Variants in NPC1L1 observed in about 807,000 individuals in gnomAD.
The protein encoded by NPC1L1 is NPC1 like intracellular cholesterol transporter 1, also known as NPC1-like intracellular cholesterol transporter 1.
A neutral mutation model predicts 117.0 loss-of-function variants in NPC1L1; 98 were observed. The observed-to-expected ratio is 0.84, with a 90% confidence interval of 0.71 to 0.99. NPC1L1 has a LOEUF of 0.99. Among genes scored for constraint, NPC1L1 ranks in the 50% least tolerant of loss-of-function variants. The pLI, the probability that NPC1L1 is intolerant of heterozygous loss-of-function variation, is 0.00. For synonymous variants in NPC1L1, 729 were observed against 727.6 expected, an observed-to-expected ratio of 1.00 and a Z score of -0.03; for missense variants, 1,540 against 1,710.0, an observed-to-expected ratio of 0.90 and a Z score of 1.75.
intron 10 of NPC1L1, among the ~76,000 whole-genome samples, chr7:44,525,457 C>A (rs1801483094): frequency 6.6e-6 from 1 of 152,166 alleles, no homozygotes; most frequent in Admixed American, 6.5e-5. Context: ...GGGGTTTCAC[C>A]ATGTTGGCCA....
At position 44,536,476 on chromosome 7, in the gene NPC1L1, TC is replaced by T. The variant is rs1433156792; in HGVS notation, c.1682-49del. The T allele has an allele frequency of 1.1e-5, 17 of 1,581,528 alleles. No individual in the cohort carries two copies. Among genetic ancestry groups the T allele is most frequent in the African/African-American group, 2.7e-5 (2 of 73,298 alleles). ...CCTTCCTGCTGCACCCGTGCCTCCC[TC>T]CCCCTCCAGCTGCACCCCTATATTC... On this transcript the variant is annotated intron_variant, in intron 3 of 18. Transcript: ENST00000381160. This position sits in a 1 kb window ranked among gnomAD's most constrained non-coding sequence, Gnocchi z 4.7.
chr7:44,521,140 G>A (rs1801341389), intron 12 of NPC1L1, 22 bp from the exon 13 acceptor site: 1 of 1,613,776 alleles, frequency 6.2e-7, no homozygotes, highest in Non-Finnish European at 8.5e-7. Context: ...GCAGGGGTCT[G>A]GGCAGTGACA....
rs775202840 is a variant in NPC1L1 at position 44,516,904 on chromosome 7, C to G, written c.3318G>C (p.Leu1106=). Residue 1106 remains leucine (L), a synonymous_variant, in exon 16 of 19, where the codon CTG becomes CTC. Transcript: ENST00000381160. ...TITNVFYEQY[L]TILPEGLFML... The stretch of plus-strand genomic sequence containing the variant: ...TGAAGAGCCCCTCAGGGAGGATGGT[C>G]AGGTACTGCTCATAAAACACATTGG... 3 of 1,613,776 alleles carry G rather than the reference C, an allele frequency of 1.9e-6. No individual in the cohort carries two copies. In the African/African-American group the frequency reaches 4.0e-5, roughly 22 times the overall value.
intron 14 of NPC1L1, among the ~76,000 whole-genome samples, chr7:44,519,860 C>T (rs1216487402): frequency 2.7e-5 from 4 of 150,548 alleles, no homozygotes; most frequent in African/African-American, 9.8e-5. Flanking sequence ...GGCTGGAGTG[C>T]AGTGTTGCGA....
chr7:44,536,717 G>T lies in NPC1L1; in HGVS notation c.1681+125C>A. 1.2e-6 allele frequency: 1 copy of T among 851,896 alleles called. No homozygotes were observed. Among genetic ancestry groups the T allele is most frequent in the South Asian group, 1.4e-5 (1 of 69,570 alleles). The allele number at this position is 851,896 out of a possible 1,614,324, so 52.8% of individuals were successfully genotyped here. ...GGAAACAGGACAGGGTTGGCCTACA[G>T]CTTCCAGAAGCCAGGCTACCCCCAG... is the stretch of plus-strand genomic sequence containing the variant. On this transcript the variant is annotated intron_variant, in intron 3 of 18. Transcript: ENST00000381160. The surrounding 1 kb of genome is among the most constrained non-coding windows in gnomAD (Gnocchi z 4.7).
chr7:44,529,886 T>C (rs1198465142), intron 10 of NPC1L1, among the ~76,000 whole-genome samples: 1 of 150,534 alleles, frequency 6.6e-6, no homozygotes, highest in East Asian at 2.0e-4. Flanking sequence ...GTACAAAAAT[T>C]AGCTGGGAGT....
chr7:44,536,872 A>G lies in NPC1L1; in HGVS notation c.1651T>C (p.Phe551Leu). The G allele has an allele frequency of 6.2e-7, 1 of 1,614,152 alleles. No individual in the cohort carries two copies. The highest frequency in any genetic ancestry group is 8.5e-7 in the Non-Finnish European group (1 of 1,180,004). Residue 551 changes from phenylalanine (F) to leucine (L), a missense_variant, in exon 3 of 19, where the codon TTC becomes CTC. Transcript: ENST00000381160. This position sits in a 1 kb window ranked among gnomAD's most constrained non-coding sequence, Gnocchi z 4.7. Reference sequence around the variant, plus strand: ...TACCCCCCAATGGCAAGGAAGGGGAAGACAGGGGCCCCGTAGTCAGCCATG... The same window carrying G: ...TACCCCCCAATGGCAAGGAAGGGGAGGACAGGGGCCCCGTAGTCAGCCATG... Reference protein sequence around the residue: ...SCMADYGAPVFPFLAIGGYKG... With the variant: ...SCMADYGAPVLPFLAIGGYKG...
chr7:44,532,051 T>C, intron 9 of NPC1L1, 29 bp downstream of exon 9: 2 of 1,614,066 alleles, frequency 1.2e-6, no homozygotes, highest in Non-Finnish European at 8.5e-7. Flanking sequence ...CTAGTGCCCC[T>C]GCTCTCGTGT....
rs753423520 is a variant in NPC1L1 at position 44,532,094 on chromosome 7, T to A, written c.2533A>T (p.Thr845Ser). ...GGCCCACTCACCACAACACCTCGAG[T>A]GATCCAGTGCAGCAGGAAGGGGGCA... ...AYAPFLLHWI[T>S]RGVVLLLFLA... The change falls in exon 9 of 19, where the codon ACT (threonine) becomes TCT (serine). Residue 845 changes from threonine to serine, a missense_variant. Transcript: ENST00000381160. 1 of 1,613,876 alleles carries A rather than the reference T, an allele frequency of 6.2e-7. No individual in the cohort carries two copies. Among genetic ancestry groups the A allele is most frequent in the South Asian group, 1.1e-5 (1 of 91,064 alleles).
chr7:44,522,462 C>T (rs1206180379), intron 10 of NPC1L1, among the ~76,000 whole-genome samples: 1 of 152,032 alleles, frequency 6.6e-6, no homozygotes, highest in South Asian at 2.1e-4. Flanking sequence ...GAGATATACA[C>T]GTAGATACAT....
chr7:44,536,831 A>C lies in NPC1L1; in HGVS notation c.1681+11T>G. 2 of 1,610,034 alleles carry C rather than the reference A, an allele frequency of 1.2e-6. No individual in the cohort carries two copies. The highest frequency in any genetic ancestry group is 4.5e-5 in the East Asian group (2 of 44,848). On this transcript the variant is annotated intron_variant, in intron 3 of 18. Transcript: ENST00000381160. This position sits in a 1 kb window ranked among gnomAD's most constrained non-coding sequence, Gnocchi z 4.7. The stretch of plus-strand genomic sequence containing the variant: ...CTTCCTTGGCTTCCTCTCAGGGCCC[A>C]CTTAGCTTACCTTTGTACCCCCCAA...
chr7:44,538,043 G>T lies in NPC1L1; in HGVS notation c.1580+774C>A, dbSNP rs563938209. ...TAGGCGTCCTGGAGACCCTTTCCAGGGTCTGTAAGGTCAGAACTGTTTTCA... is the reference window on the plus strand; with the variant it reads ...TAGGCGTCCTGGAGACCCTTTCCAGTGTCTGTAAGGTCAGAACTGTTTTCA... On this transcript the variant is annotated intron_variant, in intron 2 of 18. Coordinates refer to ENST00000381160, the MANE Select transcript of NPC1L1 (RefSeq NM_001101648.2). This position sits in a 1 kb window ranked among gnomAD's most constrained non-coding sequence, Gnocchi z 5.9. Among the ~76,000 whole-genome samples the T allele has an allele frequency of 3.3e-5, 5 of 152,292 alleles. No individual in the cohort carries two copies. In the South Asian group the frequency reaches 1.0e-3, roughly 32 times the overall value.
chr7:44,515,773 A>T, intron 18 of NPC1L1, 30 bp downstream of exon 18: 1 of 1,613,976 alleles, frequency 6.2e-7, no homozygotes, highest in Non-Finnish European at 8.5e-7. Flanking sequence ...TAATCATGAC[A>T]GTCTGGTAGG....
chr7:44,533,799 C>G lies in NPC1L1; in HGVS notation c.2221G>C (p.Gly741Arg). ...AACAGCATGCTGGGAGCCACCCTGC[C>G]TAGGGCTCGCCCAATGTGGACCTCT... ...PREVHIGRAL[G>R]RVAPSMLLCS... The change falls in exon 7 of 19, where the codon GGC (glycine) becomes CGC (arginine). Residue 741 changes from glycine (G) to arginine (R), a missense_variant. Gly to Arg is a moderately radical substitution (Grantham distance 125). Around this residue, in one of 3 missense-constraint regions of NPC1L1, gnomAD observed 742 missense variants for 873.6 expected, o/e 0.85. Coordinates refer to ENST00000381160, the MANE Select transcript of NPC1L1 (RefSeq NM_001101648.2). 6.2e-7 allele frequency: 1 copy of G among 1,613,988 alleles called. No individual in the cohort carries two copies.
chr7:44,518,296 A>C (rs1801250393), intron 14 of NPC1L1, among the ~76,000 whole-genome samples: 1 of 150,642 alleles, frequency 6.6e-6, no homozygotes. Flanking sequence ...CAGCCTCCCA[A>C]GTAGCTGGGA....
In NPC1L1 at chr7:44,515,879, G is replaced by A; in HGVS notation, c.3720C>T (p.Phe1240=). ...GCAGAGTGATCAGGAGGTTGAGGCG[G>A]AAGAAGAAGATCTGAATGAGCTGGG... is the stretch of plus-strand genomic sequence containing the variant. ...AKAQLIQIFF[F]RLNLLITLLG... The change falls in exon 18 of 19, where the codon TTC becomes TTT. Residue 1240 remains phenylalanine (F), a synonymous_variant. Transcript: ENST00000381160. The A allele has an allele frequency of 6.2e-7, 1 of 1,614,098 alleles. No individual in the cohort carries two copies. The highest frequency in any genetic ancestry group is 8.5e-7 in the Non-Finnish European group (1 of 1,179,962).
chr7:44,519,230 T>C (rs1438175082), intron 14 of NPC1L1, among the ~76,000 whole-genome samples: 1 of 152,196 alleles, frequency 6.6e-6, no homozygotes, highest in Non-Finnish European at 1.5e-5. Context: ...GTTATGCTGA[T>C]GCTGCTGGCT....
chr7:44,513,585 G>T lies in NPC1L1; in HGVS notation c.3861C>A (p.Val1287=), dbSNP rs115805898. 1.2e-6 allele frequency: 2 copies of T among 1,613,864 alleles called. No individual in the cohort carries two copies. Among genetic ancestry groups the T allele is most frequent in the East Asian group, 4.5e-5 (2 of 44,896 alleles). Residue 1287 remains valine (V), a synonymous_variant, in exon 19 of 19, where the codon GTC becomes GTA. Coordinates refer to ENST00000381160, the MANE Select transcript of NPC1L1 (RefSeq NM_001101648.2). The part of the protein sequence containing the change: ...QKRAEEAVAA[V]MVASCPNHPS... Reference sequence around the variant, plus strand: ...GGTGATTTGGGCAAGAGGCCACCATGACTGCTGCCACCGCCTCCTCAGCCC... The same window carrying T: ...GGTGATTTGGGCAAGAGGCCACCATTACTGCTGCCACCGCCTCCTCAGCCC...
At chr7:44,533,654 T>A (rs962295798) in intron 7 of NPC1L1, 85 bp downstream of exon 7, 1 of 1,606,918 alleles carries the variant, frequency 6.2e-7, no homozygotes, top group African/African-American at 1.3e-5. Flanking sequence ...ATCTGCACTA[T>A]ACCCACTGCC....
Sources: gnomAD v4.1 joint callset for allele counts (sites outside exome capture counted in the v4.1 genomes callset) on GRCh38, gnomAD v4.1.1 for gene constraint, gnomAD v4.1.1 regional missense constraint, Gnocchi (gnomAD v3.1) non-coding constraint, MANE v1.5 for transcripts, NCBI Gene and HGNC (gene_info 2026-07-23, HGNC 2026-07-21) for gene names.